The following THBS2 variants were observed in gnomAD, a reference collection of about 807,000 sequenced individuals.
THBS2 encodes the protein thrombospondin 2, also known as thrombospondin-2.
THBS2 carries 47 observed loss-of-function variants against 135.2 expected under a neutral mutation model. That is an observed-to-expected ratio of 0.35 (90% CI 0.28 to 0.44). The LOEUF (loss-of-function observed/expected upper bound fraction) is 0.44. Among genes scored for constraint, THBS2 ranks in the 20% least tolerant of loss-of-function variants. The probability of loss-of-function intolerance (pLI) is 1.00; values close to 1 mark genes in which losing one functional copy is unlikely to be tolerated. For synonymous variants in THBS2, 639 were observed against 633.8 expected (o/e 1.01, Z -0.12); for missense variants, 1,288 against 1,603.1 (o/e 0.80, Z 3.36).
chr6:169,219,849 C>T (rs769378920), intron 21 of THBS2: 12 of 556,430 alleles, frequency 2.2e-5, no homozygotes, highest in South Asian at 1.7e-4. Flanking sequence ...TTCCTTCCTG[C>T]CTGCCTGCCA....
intron 3 of THBS2, among the ~76,000 whole-genome samples, chr6:169,247,529 G>GA (rs1008342149): frequency 1.4e-5 from 2 of 144,502 alleles, no homozygotes; most frequent in Non-Finnish European, 3.2e-5. Flanking sequence ...TTTATGTGTG[G>GA]GGGATGTGTG....
At position 169,222,368 on chromosome 6, in the gene THBS2, G is replaced by A; in HGVS notation, c.3102C>T (p.Ser1034=). The A allele has an allele frequency of 6.2e-7, 1 of 1,613,722 alleles. No homozygotes were observed. ...TCCACATCACCACATAGAAGCGGCTGCTTGACTGGTAACCAAAGACGAAGC... is the reference window on the plus strand; with the variant it reads ...TCCACATCACCACATAGAAGCGGCTACTTGACTGGTAACCAAAGACGAAGC... ...YAGFVFGYQS[S]SRFYVVMWKQ... is the part of the protein sequence containing the mutation. The change falls in exon 19 of 22, where the codon AGC becomes AGT. Residue 1034 remains serine (S), a synonymous_variant. Coordinates refer to ENST00000617924, the MANE Select transcript of THBS2 (RefSeq NM_003247.5).
chr6:169,232,261 C>T (rs548057071), intron 12 of THBS2, 63 bp from the exon 13 acceptor site: 2 of 1,568,978 alleles, frequency 1.3e-6, no homozygotes, highest in African/African-American at 1.3e-5. Context: ...GGCGTCGAGG[C>T]GGGGCGTCGG....
At chr6:169,248,243 C>A (rs1583422085) in intron 3 of THBS2, among the ~76,000 whole-genome samples, 174 bp downstream of exon 3, 1 of 151,868 alleles carries the variant, frequency 6.6e-6, no homozygotes, top group East Asian at 1.9e-4. Flanking sequence ...GCAGTGTGTG[C>A]ATGTGCATGT....
Position 169,241,761 on chromosome 6 carries a change from C to T in THBS2, c.891+1G>A. On this transcript the variant is annotated splice_donor_variant, in intron 5 of 21. Coordinates refer to ENST00000617924, the MANE Select transcript of THBS2 (RefSeq NM_003247.5). LOFTEE classifies it high-confidence loss of function. This position sits in a 1 kb window ranked among gnomAD's most constrained non-coding sequence, Gnocchi z 5.5. ...CCCGCGGCCCCTGCGTGAGTACCCA[C>T]CACTCTCTTGAGGTTCTCGCTGAGC... 1 of 1,601,914 alleles carries T rather than the reference C, an allele frequency of 6.2e-7. No homozygotes were observed. Among genetic ancestry groups the T allele is most frequent in the Non-Finnish European group, 8.5e-7 (1 of 1,171,324 alleles).
intron 21 of THBS2, among the ~76,000 whole-genome samples, chr6:169,219,239 G>A (rs1218188694): frequency 6.9e-6 from 1 of 144,560 alleles, no homozygotes; most frequent in Non-Finnish European, 1.5e-5. Context: ...GTGGGTGGAT[G>A]GATTAGATGG....
intron 16 of THBS2, 44 bp downstream of exon 16, chr6:169,226,136 T>C: frequency 6.4e-7 from 1 of 1,550,396 alleles, no homozygotes; most frequent in Non-Finnish European, 8.9e-7. Context: ...CCCGCGTCCC[T>C]CTGATGAGGA....
At chr6:169,218,829 AGATG>A (rs200352317) in intron 21 of THBS2, among the ~76,000 whole-genome samples, 31,525 of 123,988 alleles carry the variant, frequency 0.25, 3,934 homozygotes, top group African/African-American at 0.34. Context: ...TGGGTGGCTG[AGATG>A]GATGGATGGA....
chr6:169,237,350 A>T lies in THBS2; in HGVS notation c.1301-4T>A. 1 of 1,613,154 alleles carries T rather than the reference A, an allele frequency of 6.2e-7. No homozygotes were observed. The highest frequency in any genetic ancestry group is 8.5e-7 in the Non-Finnish European group (1 of 1,180,018). On this transcript the variant is annotated splice_region_variant and splice_polypyrimidine_tract_variant and intron_variant, in intron 8 of 21. Transcript: ENST00000617924. Reference sequence around the variant, plus strand: ...CTCCAGCCGCCGTCCTGCCGGACTAACACAAGAAGCGGAGAGAGATCAGGC... The same window carrying T: ...CTCCAGCCGCCGTCCTGCCGGACTATCACAAGAAGCGGAGAGAGATCAGGC...
intron 10 of THBS2, 34 bp downstream of exon 10, chr6:169,234,700 G>C (rs372207260): frequency 3.2e-5 from 47 of 1,464,048 alleles, no homozygotes; most frequent in Non-Finnish European, 4.2e-5. Flanking sequence ...TGGAAGCCCG[G>C]GTTTCAGTGC....
At chr6:169,239,133 G>A (rs1376033105) in intron 7 of THBS2, 1 of 155,128 alleles carries the variant, frequency 6.4e-6, no homozygotes, top group Admixed American at 6.4e-5. Flanking sequence ...CTCAGGTTCT[G>A]TTCCTTAGAA....
intron 11 of THBS2, 22 bp downstream of exon 11, chr6:169,232,868 A>G: frequency 6.2e-7 from 1 of 1,604,432 alleles, no homozygotes. Context: ...GGGCGCCCAC[A>G]GCCCAGGGCG....
chr6:169,253,715 T>G lies in THBS2; in HGVS notation c.-23+9A>C, dbSNP rs931428328. On this transcript the variant is annotated intron_variant, in intron 1 of 21. Coordinates refer to ENST00000617924, the MANE Select transcript of THBS2 (RefSeq NM_003247.5). ...TAAATAATTGATTGAGTTTAAGAAA[T>G]AATCGTACCTGGTTTGCCAAAAAGA... 6.6e-6 allele frequency: 1 copy of G among 152,242 alleles called. No homozygotes were observed. Among genetic ancestry groups the G allele is most frequent in the African/African-American group, 2.4e-5 (1 of 41,466 alleles). 9.4% of individuals were successfully genotyped at this position (152,242 alleles called of 1,614,324 possible).
chr6:169,248,671 C>T lies in THBS2; in HGVS notation c.355G>A (p.Gly119Ser), dbSNP rs1780646954. The change falls in exon 3 of 22, where the codon GGC (glycine) becomes AGC (serine). Residue 119 changes from glycine to serine, a missense_variant. Coordinates refer to ENST00000617924, the MANE Select transcript of THBS2 (RefSeq NM_003247.5). ...GTGAGATCCAGCGTGTCCGCGGGGC[C>T]GTTGGAGACGATCTCGAACTGCCTC... ...SQRQFEIVSN[G>S]PADTLDLTYW... is the part of the protein sequence containing the mutation. The T allele has an allele frequency of 6.2e-7, 1 of 1,613,870 alleles. No individual in the cohort carries two copies. The highest frequency in any genetic ancestry group is 8.5e-7 in the Non-Finnish European group (1 of 1,179,880).
rs574237692 is a variant in THBS2, at chr6:169,235,895, C to A, written c.1478-988G>T. Among the ~76,000 whole-genome samples, 230 of 129,204 alleles carry A rather than the reference C, an allele frequency of 1.8e-3. 6 individuals carry two copies. The highest frequency in any genetic ancestry group is 9.4e-4 in the Non-Finnish European group (57 of 60,586). The allele number at this position is 129,204 out of a possible 152,430, so 84.8% of individuals were successfully genotyped here. On this transcript the variant is annotated intron_variant, in intron 9 of 21. Transcript: ENST00000617924. The stretch of plus-strand genomic sequence containing the variant: ...TCACTCCCCCATCCACATTCTCCCT[C>A]CCCCATCCACACTCTCCCTCTGTCC...
chr6:169,225,486 C>A, intron 16 of THBS2, 107 bp from the exon 17 acceptor site: 2 of 1,186,194 alleles, frequency 1.7e-6, no homozygotes, highest in Non-Finnish European at 1.2e-6. Context: ...TCCTGCAGCA[C>A]AAGCCCCAGG....
At chr6:169,227,172 A>C (rs6940324) in intron 15 of THBS2, among the ~76,000 whole-genome samples, 7 of 151,774 alleles carry the variant, frequency 4.6e-5, no homozygotes, top group East Asian at 3.9e-4. Context: ...TGGCTCAGAA[A>C]GGGGGTGGCT....
At position 169,217,502 on chromosome 6, in the gene THBS2, A is replaced by C; in HGVS notation, c.*320T>G. On this transcript the variant is annotated 3_prime_UTR_variant, in exon 22 of 22. Transcript: ENST00000617924. ...TAAATACAATAAGTAATTACATTTT[A>C]TATGTAAACGTCATTCTTTTTAAAC... is the stretch of plus-strand genomic sequence containing the variant. The C allele has an allele frequency of 2.7e-6, 1 of 369,186 alleles. No homozygotes were observed. The highest frequency in any genetic ancestry group is 4.1e-5 in the East Asian group (1 of 24,344). 22.9% of individuals were successfully genotyped at this position (369,186 alleles called of 1,614,324 possible). A position where few individuals can be genotyped will look rare whatever the true frequency, so the allele number is the denominator to read the frequency against.
At chr6:169,230,215 T>C (rs769802840) in intron 13 of THBS2, among the ~76,000 whole-genome samples, 15 of 86,408 alleles carry the variant, frequency 1.7e-4, no homozygotes, top group Non-Finnish European at 2.6e-4. Context: ...ATGCATGTAA[T>C]TGGGCAAAAA....
Sources: gnomAD v4.1 joint callset for allele counts (sites outside exome capture counted in the v4.1 genomes callset) on GRCh38, gnomAD v4.1.1 for gene constraint, Gnocchi (gnomAD v3.1) non-coding constraint, MANE v1.5 for transcripts, NCBI Gene and HGNC (gene_info 2026-07-23, HGNC 2026-07-21) for gene names.